CALN1: variants seen among roughly 807,000 people sequenced by gnomAD.
CALN1 encodes calneuron 1, also known as calcium-binding protein 8.
A neutral mutation model predicts 30.6 loss-of-function variants in CALN1; 17 were observed. The observed-to-expected ratio is 0.56, with a 90% CI of 0.38 to 0.83. The LOEUF is 0.83. CALN1 is among the 40% of genes least tolerant of loss of function. The probability of loss-of-function intolerance (pLI) is 0.00; values close to 1 mark genes in which losing one functional copy is unlikely to be tolerated. For missense variants in CALN1, 291 were observed against 354.9 expected (o/e 0.82, Z 1.45); for synonymous variants, 156 against 131.4 (o/e 1.19, Z -1.28).
the CALN1 span, among the ~76,000 whole-genome samples, chr7:72,480,954 CT>C: frequency 6.6e-6 from 1 of 152,026 alleles, no homozygotes; most frequent in South Asian, 2.1e-4. Context: ...TTTTACTTAC[CT>C]TTTTTTGTTG....
intron 5 of CALN1, among the ~76,000 whole-genome samples, chr7:71,858,788 A>G (rs2116644374): frequency 6.6e-6 from 1 of 152,198 alleles, no homozygotes; most frequent in South Asian, 2.1e-4. Context: ...GACCTAACCA[A>G]TGTACATTTT....
chr7:72,029,674 A>C (rs191554611), intron 4 of CALN1, among the ~76,000 whole-genome samples: 4 of 152,072 alleles, frequency 2.6e-5, no homozygotes, highest in Non-Finnish European at 5.9e-5. Flanking sequence ...AAAAATCCCT[A>C]ATGTATGAGG....
chr7:72,209,301 T>TTTCCTTCCCTCCTTCCCTCC (rs1792175978), intron 3 of CALN1, among the ~76,000 whole-genome samples: 2 of 25,920 alleles, frequency 7.7e-5, no homozygotes, highest in Non-Finnish European at 1.1e-4. Context: ...TCCTTCCCTC[T>TTTCCTTCCCTCCTTCCCTCC]TTCCTTCCCT....
intron 4 of CALN1, among the ~76,000 whole-genome samples, chr7:72,069,482 T>A (rs1291594152): frequency 6.6e-6 from 1 of 152,010 alleles, no homozygotes; most frequent in East Asian, 1.9e-4. Flanking sequence ...GAGCATAAAT[T>A]CTTTGCCTCT....
rs1788462360 is a variant in CALN1, at chr7:71,819,359, C to T, written c.502-8867G>A. 2.0e-5 allele frequency among the ~76,000 whole-genome samples: 3 copies of T among 152,016 alleles called. No individual in the cohort carries two copies. In the South Asian group the frequency reaches 6.2e-4, roughly 32 times the overall value. ...GAGTAGCTGAGATTACAGGCATCTG[C>T]CACCACACCCGGCTAATTCTTGTAT... On this transcript the variant is annotated intron_variant, in intron 5 of 6. Coordinates refer to ENST00000395275, the MANE Select transcript of CALN1 (RefSeq NM_031468.4).
the CALN1 span, among the ~76,000 whole-genome samples, chr7:72,469,308 C>T: frequency 7.2e-5 from 11 of 152,250 alleles, no homozygotes; most frequent in South Asian, 4.1e-4. Context: ...GTCCCAGTAC[C>T]GTTGTTAAAA....
At chr7:72,142,137 G>A (rs1224984489) in intron 3 of CALN1, among the ~76,000 whole-genome samples, 4 of 152,190 alleles carry the variant, frequency 2.6e-5, no homozygotes, top group Admixed American at 1.3e-4. Flanking sequence ...AGGACAGTGG[G>A]TGCAGTGCAC....
intron 5 of CALN1, among the ~76,000 whole-genome samples, chr7:71,854,241 G>C (rs1237448389): frequency 4.6e-5 from 7 of 152,116 alleles, no homozygotes; most frequent in Non-Finnish European, 8.8e-5. Context: ...AGGAGGCTGA[G>C]GCAGGAGAAT....
rs1392326229 is a variant in CALN1, at chr7:72,435,272, A to AGGGAAG, written c.-226+11764_-226+11769dup. ...AAAAAGGAAAAAGAAAAGAAAGGGA[A>AGGGAAG]GGGAAGGGGAAGGGGAAGGGGAACG... On this transcript the variant is annotated intron_variant, in intron 1 of 6. Transcript: ENST00000395276. Among the ~76,000 whole-genome samples, 30 of 151,438 alleles carry AGGGAAG rather than the reference A, an allele frequency of 2.0e-4. No individual in the cohort carries two copies. The South Asian group carries it at 3.4e-3, about 17-fold the overall frequency.
chr7:72,029,129 CT>C (rs1047963455), intron 4 of CALN1, among the ~76,000 whole-genome samples: 3 of 151,168 alleles, frequency 2.0e-5, no homozygotes, highest in African/African-American at 4.9e-5. Context: ...AATATTTGGT[CT>C]TTTTTTTTCT....
intron 3 of CALN1, among the ~76,000 whole-genome samples, chr7:72,122,066 G>T (rs1317148522): frequency 6.6e-6 from 1 of 151,850 alleles, no homozygotes; most frequent in Non-Finnish European, 1.5e-5. Context: ...TCTTCTCAGG[G>T]AAAATTAGAC....
intron 2 of CALN1, among the ~76,000 whole-genome samples, chr7:72,279,350 G>C (rs1797578806): frequency 6.6e-6 from 1 of 152,182 alleles, no homozygotes; most frequent in Admixed American, 6.5e-5. Context: ...GCAATGCTCT[G>C]CATCTCAAGC....
chr7:72,413,462 C>T (rs955446660), upstream of CALN1, among the ~76,000 whole-genome samples: 5 of 151,906 alleles, frequency 3.3e-5, no homozygotes, highest in Admixed American at 1.3e-4. Flanking sequence ...CATGGACACA[C>T]GTGCATACTC....
At chr7:71,910,295 G>A (rs1441298828) in intron 5 of CALN1, among the ~76,000 whole-genome samples, 1 of 152,178 alleles carries the variant, frequency 6.6e-6, no homozygotes, top group Non-Finnish European at 1.5e-5. Flanking sequence ...AGCTCTTAAA[G>A]GCTTCCATCC....
intron 1 of CALN1, among the ~76,000 whole-genome samples, chr7:72,439,926 A>T (rs1808299696): frequency 6.6e-6 from 1 of 152,050 alleles, no homozygotes; most frequent in South Asian, 2.1e-4. Context: ...GAAGAAAAAG[A>T]GGGGTTGGTG....
At chr7:72,004,692 A>G (rs887191293) in intron 5 of CALN1, among the ~76,000 whole-genome samples, 12 of 151,216 alleles carry the variant, frequency 7.9e-5, no homozygotes, top group African/African-American at 2.0e-4. Context: ...CAAGAACAAA[A>G]CAAAACAAAA....
intron 3 of CALN1, among the ~76,000 whole-genome samples, chr7:72,182,250 T>C (rs12531663): frequency 0.18 from 27,221 of 151,996 alleles, 2,644 homozygotes; most frequent in East Asian, 0.29. Flanking sequence ...CTGTGCATCA[T>C]TGATCAAGTG....
In CALN1 at chr7:72,421,655, T is replaced by C. The variant is rs559357717; in HGVS notation, c.-225-9380A>G. 1.9e-4 allele frequency among the ~76,000 whole-genome samples: 25 copies of C among 134,832 alleles called. 1 individual carries two copies. The Middle Eastern group carries it at 0.011, about 61-fold the overall frequency. 88.5% of individuals were successfully genotyped at this position (134,832 alleles called of 152,430 possible). On this transcript the variant is annotated intron_variant, in intron 1 of 6. Transcript: ENST00000395276. Reference sequence around the variant, plus strand: ...TGGTGTGCAGTGGCACAATCTCAGCTCACTCACTACAACCTCCGCCTCACA... The same window carrying C: ...TGGTGTGCAGTGGCACAATCTCAGCCCACTCACTACAACCTCCGCCTCACA...
intron 6 of CALN1, among the ~76,000 whole-genome samples, chr7:71,799,442 T>TTAG (rs1562789407): frequency 1.1e-4 from 15 of 139,170 alleles, no homozygotes; most frequent in African/African-American, 4.1e-4. Flanking sequence ...TATTTATTTA[T>TTAG]TTATTTATTT....
Sources: allele counts gnomAD v4.1 joint callset (sites outside exome capture counted in the v4.1 genomes callset), GRCh38; gene constraint gnomAD v4.1.1; transcripts MANE v1.5; gene names NCBI Gene and HGNC (gene_info 2026-07-23, HGNC 2026-07-21).